The following STPG2 variants were observed in gnomAD, a reference collection of about 807,000 sequenced individuals.
STPG2 encodes the protein sperm tail PG-rich repeat containing 2.
A neutral mutation model predicts 54.2 loss-of-function variants in STPG2; 56 were observed. That is an observed-to-expected ratio of 1.03 (90% CI 0.83 to 1.29). STPG2 has a LOEUF of 1.29. Ranked by LOEUF, STPG2 falls within the 50% of genes most tolerant of loss-of-function variation. The pLI, the probability that STPG2 is intolerant of heterozygous loss-of-function variation, is 0.00. For synonymous variants in STPG2, 200 were observed against 181.8 expected (o/e 1.10, Z -0.81); for missense variants, 596 against 544.9 (o/e 1.09, Z -0.93).
intron 4 of STPG2, among the ~76,000 whole-genome samples, chr4:97,446,552 A>G (rs1374028041): frequency 6.6e-6 from 1 of 152,190 alleles, no homozygotes; most frequent in East Asian, 1.9e-4. Flanking sequence ...GTTCTCACCC[A>G]AATCTCATCT....
intron 10 of STPG2, among the ~76,000 whole-genome samples, chr4:97,681,637 C>G (rs1723037818): frequency 6.6e-6 from 1 of 151,810 alleles, no homozygotes; most frequent in South Asian, 2.1e-4. Flanking sequence ...TTACAAAAGA[C>G]ATGACTTTTG....
chr4:98,054,011 A>C (rs1000556533), intron 5 of STPG2, among the ~76,000 whole-genome samples: 1 of 152,134 alleles, frequency 6.6e-6, no homozygotes, highest in African/African-American at 2.4e-5. Context: ...TTTATCCTGA[A>C]GCCTCTAACT....
chr4:97,526,940 C>T (rs1731293617), intron 4 of STPG2, among the ~76,000 whole-genome samples: 1 of 151,744 alleles, frequency 6.6e-6, no homozygotes, highest in Admixed American at 6.6e-5. Flanking sequence ...GGAATCCATT[C>T]CCCATTGCTT....
chr4:97,981,257 G>A lies in STPG2; in HGVS notation c.674C>T (p.Ala225Val). 6.2e-7 allele frequency: 1 copy of A among 1,614,006 alleles called. No individual in the cohort carries two copies. Among genetic ancestry groups the A allele is most frequent in the Non-Finnish European group, 8.5e-7 (1 of 1,179,948 alleles). ...TGATGTTTTCTTCAAAGACTTGAGA[G>A]CAGTTCGAGGTTCATTATATGTGCC... ...APGTYNEPRTALKSLKKTSGL... is the reference protein window; with the variant it reads ...APGTYNEPRTVLKSLKKTSGL... The change falls in exon 6 of 11, where the codon GCT (alanine) becomes GTT (valine). Residue 225 changes from alanine (A) to valine (V), a missense_variant. By Grantham distance (64) the Ala-to-Val change is moderately conservative. Coordinates refer to ENST00000295268, the MANE Select transcript of STPG2 (RefSeq NM_174952.3).
intron 7 of STPG2, among the ~76,000 whole-genome samples, chr4:97,960,456 A>T (rs578001889): frequency 1.3e-5 from 2 of 151,938 alleles, no homozygotes; most frequent in African/African-American, 4.8e-5. Flanking sequence ...AACCCTAAAG[A>T]CTCCTCCAAA....
intron 5 of STPG2, chr4:98,025,554 A>ACAGAGATAT: frequency 1.4e-6 from 1 of 720,696 alleles, no homozygotes; most frequent in South Asian, 1.4e-5. Context: ...CGTGTAACAA[A>ACAGAGATAT]CAGAGATATC....
intron 5 of STPG2, among the ~76,000 whole-genome samples, chr4:98,017,613 T>C (rs7697315): frequency 0.39 from 59,018 of 151,778 alleles, 11,638 homozygotes; most frequent in Middle Eastern, 0.46. Flanking sequence ...CTGTAAACTC[T>C]TATCTGGAAA....
At chr4:98,140,949 A>G (rs1466023222) in intron 1 of STPG2, among the ~76,000 whole-genome samples, 1 of 152,240 alleles carries the variant, frequency 6.6e-6, no homozygotes, top group African/African-American at 2.4e-5. Flanking sequence ...CATCAGAATC[A>G]GAATATGGAT....
intron 10 of STPG2, among the ~76,000 whole-genome samples, chr4:97,638,313 C>G (rs1432885492): frequency 6.6e-6 from 1 of 152,012 alleles, no homozygotes; most frequent in African/African-American, 2.4e-5. Flanking sequence ...GAAACTGGAT[C>G]CCTTCCTTAC....
chr4:97,906,826 CT>C (rs1731446387), intron 8 of STPG2, among the ~76,000 whole-genome samples: 1 of 152,152 alleles, frequency 6.6e-6, no homozygotes, highest in Admixed American at 6.5e-5. Flanking sequence ...CCCCGTCAAA[CT>C]AAAAATTCTC....
At chr4:97,973,502 C>T (rs1734404344) in intron 6 of STPG2, among the ~76,000 whole-genome samples, 1 of 152,184 alleles carries the variant, frequency 6.6e-6, no homozygotes, top group South Asian at 2.1e-4. Flanking sequence ...GAAATTCAAG[C>T]TGGCTGCAGA....
chr4:98,114,726 A>G (rs939508980), intron 3 of STPG2, among the ~76,000 whole-genome samples: 2 of 130,704 alleles, frequency 1.5e-5, no homozygotes, highest in African/African-American at 2.9e-5. Context: ...GCACACACAC[A>G]CAATTTAAGA....
chr4:97,930,806 A>G (rs1478191619), intron 8 of STPG2, among the ~76,000 whole-genome samples: 5 of 152,176 alleles, frequency 3.3e-5, no homozygotes, highest in Admixed American at 6.5e-5. Flanking sequence ...CTTCCTATCC[A>G]TGAGCGTGGT....
At chr4:98,100,494 G>A (rs943816044) in intron 5 of STPG2, among the ~76,000 whole-genome samples, 2 of 151,946 alleles carry the variant, frequency 1.3e-5, no homozygotes, top group African/African-American at 2.4e-5. Context: ...TAAGCAAAGA[G>A]CATTCCAAGA....
At chr4:97,739,391 C>CA (rs1725139288) in intron 9 of STPG2, among the ~76,000 whole-genome samples, 3 of 151,902 alleles carry the variant, frequency 2.0e-5, no homozygotes, top group South Asian at 4.2e-4. Flanking sequence ...AATAGAGACG[C>CA]AAAAAACCCT....
chr4:97,976,286 G>A (rs754485153), intron 6 of STPG2, among the ~76,000 whole-genome samples: 4 of 152,086 alleles, frequency 2.6e-5, no homozygotes, highest in East Asian at 1.9e-4. Context: ...AAAACTATTT[G>A]AGCCACCACT....
intron 9 of STPG2, among the ~76,000 whole-genome samples, chr4:97,818,836 CT>C (rs1727995900): frequency 6.6e-6 from 1 of 151,142 alleles, no homozygotes; most frequent in Admixed American, 6.6e-5. Context: ...AATCTGTGTA[CT>C]ATACATGGAA....
At chr4:97,530,065 A>C (rs1473157667) in intron 4 of STPG2, among the ~76,000 whole-genome samples, 1 of 152,208 alleles carries the variant, frequency 6.6e-6, no homozygotes, top group Non-Finnish European at 1.5e-5. Context: ...AAATTAAACA[A>C]ATAGTATAAC....
At chr4:97,592,705 T>C (rs889594424) in intron 10 of STPG2, among the ~76,000 whole-genome samples, 3 of 152,040 alleles carry the variant, frequency 2.0e-5, no homozygotes, top group Admixed American at 6.5e-5. Flanking sequence ...GAACACACCA[T>C]GGGGCTACTG....
Sources: gnomAD v4.1 joint callset for allele counts (sites outside exome capture counted in the v4.1 genomes callset) on GRCh38, gnomAD v4.1.1 for gene constraint, MANE v1.5 for transcripts, NCBI Gene and HGNC (gene_info 2026-07-23, HGNC 2026-07-21) for gene names.